Variants in PDE4B observed in about 807,000 individuals in gnomAD.
PDE4B encodes the protein phosphodiesterase 4B.
Under a neutral mutation model 82.2 loss-of-function variants are expected in PDE4B, and 20 were observed. The observed-to-expected ratio is 0.24, with a 90% confidence interval of 0.17 to 0.35. The LOEUF is 0.35. PDE4B is among the 10% of genes least tolerant of loss of function. PDE4B has a pLI of 1.00. For missense variants in PDE4B, 655 were observed against 907.2 expected (o/e 0.72, Z 3.57); for synonymous variants, 320 against 318.9 (o/e 1.00, Z -0.04).
chr1:65,959,732 G>C (rs970242905), intron 3 of PDE4B, among the ~76,000 whole-genome samples: 1 of 152,044 alleles, frequency 6.6e-6, no homozygotes, highest in African/African-American at 2.4e-5. Flanking sequence ...AGAGGGTGCT[G>C]ATTAATAAAT....
chr1:66,098,900 A>G (rs868825505), intron 3 of PDE4B, among the ~76,000 whole-genome samples: 9 of 152,164 alleles, frequency 5.9e-5, no homozygotes, highest in African/African-American at 2.2e-4. Context: ...ACATGCACAC[A>G]CAAATATAGA....
At position 66,044,462 on chromosome 1, in the gene PDE4B, A is replaced by G. The variant is rs114372988; in HGVS notation, c.281+125627A>G. 6.6e-3 allele frequency among the ~76,000 whole-genome samples: 1,006 copies of G among 151,902 alleles called. 15 individuals carry two copies. Among genetic ancestry groups the G allele is most frequent in the African/African-American group, 0.023 (934 of 41,506 alleles). ...AGTAATGAATGATTGATGATTGTGC[A>G]GTGTTTCTATCCAGTGATTTAGAAC... is the stretch of plus-strand genomic sequence containing the variant. On this transcript the variant is annotated intron_variant, in intron 3 of 16. Coordinates refer to ENST00000341517, the MANE Select transcript of PDE4B (RefSeq NM_002600.4).
At chr1:66,078,430 G>A (rs1355498058) in intron 3 of PDE4B, among the ~76,000 whole-genome samples, 5 of 151,778 alleles carry the variant, frequency 3.3e-5, no homozygotes, top group East Asian at 1.9e-4. Context: ...GACTGGTCTC[G>A]AACTCCTGAC....
rs556582269 is a variant in PDE4B at position 66,132,655 on chromosome 1, C to T, written c.282-114805C>T. Among the ~76,000 whole-genome samples the T allele has an allele frequency of 1.7e-4, 26 of 152,242 alleles. No individual in the cohort carries two copies. In the South Asian group the frequency reaches 2.1e-3, roughly 12 times the overall value. On this transcript the variant is annotated intron_variant, in intron 3 of 16. Transcript: ENST00000341517. Reference sequence around the variant, plus strand: ...TAGACATGAAGGCCTGCTGAGACTGCGTGACTGGATTATTTCTTTCGTATT... The same window carrying T: ...TAGACATGAAGGCCTGCTGAGACTGTGTGACTGGATTATTTCTTTCGTATT...
At chr1:66,098,940 T>A (rs1454828337) in intron 3 of PDE4B, among the ~76,000 whole-genome samples, 2 of 152,150 alleles carry the variant, frequency 1.3e-5, no homozygotes, top group Non-Finnish European at 2.9e-5. Context: ...CCGTAACACA[T>A]CTCCATCACT....
chr1:66,042,413 A>G (rs181191719), intron 3 of PDE4B: 1 of 151,952 alleles, frequency 6.6e-6, no homozygotes, highest in Non-Finnish European at 1.5e-5. Flanking sequence ...ATACTGATTT[A>G]TTGCTTATGT....
At chr1:66,286,633 G>A (rs1557679874) in intron 7 of PDE4B, among the ~76,000 whole-genome samples, 1 of 152,244 alleles carries the variant, frequency 6.6e-6, no homozygotes, top group Non-Finnish European at 1.5e-5. Flanking sequence ...TCACATTGGT[G>A]AAAAATGTGA....
At chr1:66,280,976 C>T (rs148984282) in intron 7 of PDE4B, among the ~76,000 whole-genome samples, 99 of 152,302 alleles carry the variant, frequency 6.5e-4, no homozygotes, top group Middle Eastern at 3.4e-3. Context: ...ATAGCTTTAA[C>T]TCAGGTACCT....
chr1:66,166,934 T>A (rs1043613912), intron 3 of PDE4B, among the ~76,000 whole-genome samples: 2 of 152,102 alleles, frequency 1.3e-5, no homozygotes, highest in Non-Finnish European at 2.9e-5. Flanking sequence ...AAATGGACAA[T>A]GATCATATGA....
chr1:65,887,412 C>CTTTTTTTTTTTTTTTTTT (rs1285765740), intron 1 of PDE4B, among the ~76,000 whole-genome samples: 1 of 6,920 alleles, frequency 1.4e-4, no homozygotes, highest in African/African-American at 8.7e-4. Context: ...TCTTTTTCTT[C>CTTTTTTTTTTTTTTTTTT]TGTTTTTTTT....
chr1:66,077,600 G>T (rs966930811), intron 3 of PDE4B, among the ~76,000 whole-genome samples: 2 of 152,056 alleles, frequency 1.3e-5, no homozygotes, highest in African/African-American at 4.8e-5. Flanking sequence ...ATGGTATACT[G>T]CCCTGACTAT....
intron 4 of PDE4B, among the ~76,000 whole-genome samples, chr1:66,249,499 C>CA (rs1213947972): frequency 6.6e-6 from 1 of 152,086 alleles, no homozygotes; most frequent in Non-Finnish European, 1.5e-5. Context: ...TATTTGGAAT[C>CA]AAAAGGTTGT....
chr1:65,975,734 G>A (rs2503204), intron 3 of PDE4B, among the ~76,000 whole-genome samples: 149,358 of 152,326 alleles, frequency 0.98, 73,284 homozygotes, highest in Middle Eastern at 1. Flanking sequence ...AAAGGAGCCA[G>A]GGTACAGCTC....
intron 10 of PDE4B, among the ~76,000 whole-genome samples, 166 bp from the exon 11 acceptor site, chr1:66,363,002 C>A (rs1662918102): frequency 1.3e-5 from 2 of 152,130 alleles, no homozygotes; most frequent in Admixed American, 1.3e-4. Context: ...GAAGAGGACA[C>A]CCGACCTCCT....
intron 1 of PDE4B, among the ~76,000 whole-genome samples, chr1:65,853,899 C>G (rs1253368219): frequency 6.6e-6 from 1 of 152,018 alleles, no homozygotes; most frequent in Non-Finnish European, 1.5e-5. Context: ...AAACTAATAC[C>G]CTAAGGCATC....
At chr1:66,189,380 A>G (rs1042441103) in intron 3 of PDE4B, among the ~76,000 whole-genome samples, 7 of 152,040 alleles carry the variant, frequency 4.6e-5, no homozygotes, top group Non-Finnish European at 7.4e-5. Context: ...ATGTTGGCCT[A>G]CCTTGCTAGA....
intron 3 of PDE4B, among the ~76,000 whole-genome samples, chr1:66,027,527 C>G (rs1653513737): frequency 6.6e-6 from 1 of 152,160 alleles, no homozygotes; most frequent in South Asian, 2.1e-4. Context: ...TCCCAACAAT[C>G]CCCTGAAGTC....
At chr1:66,084,488 G>A (rs989911680) in intron 3 of PDE4B, among the ~76,000 whole-genome samples, 28 of 152,074 alleles carry the variant, frequency 1.8e-4, no homozygotes, top group Admixed American at 1.6e-3. Context: ...TTCTTATAAT[G>A]ACCCTCAGTC....
At chr1:66,291,345 T>C (rs1657064222) in intron 7 of PDE4B, among the ~76,000 whole-genome samples, 1 of 152,184 alleles carries the variant, frequency 6.6e-6, no homozygotes, top group South Asian at 2.1e-4. Context: ...TGACTCTAGA[T>C]ACTAGGCTCT....
Sources: gnomAD v4.1 joint callset for allele counts (sites outside exome capture counted in the v4.1 genomes callset) on GRCh38, gnomAD v4.1.1 for gene constraint, MANE v1.5 for transcripts, NCBI Gene and HGNC (gene_info 2026-07-23, HGNC 2026-07-21) for gene names.